SESN1: variants seen among roughly 807,000 people sequenced by gnomAD.
The protein encoded by SESN1 is sestrin-1.
In SESN1, 30 loss-of-function variants were observed where a neutral mutation model predicts 59.3. That is an observed-to-expected ratio of 0.51 (90% confidence interval 0.38 to 0.69). SESN1 has a LOEUF of 0.69. Ranked by LOEUF, SESN1 falls within the 30% of genes least tolerant of loss-of-function variation. SESN1 has a pLI of 0.00. For missense variants in SESN1, 566 were observed against 673.0 expected (o/e 0.84, Z 1.76); for synonymous variants, 197 against 219.9 (o/e 0.90, Z 0.92).
At chr6:109,003,118 C>T (rs961690845) in intron 1 of SESN1, among the ~76,000 whole-genome samples, 10 of 151,948 alleles carry the variant, frequency 6.6e-5, no homozygotes, top group African/African-American at 2.4e-4. Context: ...CTCCCTCACC[C>T]TCCCCATATA....
chr6:109,000,449 A>T (rs769698823), intron 4 of SESN1, 42 bp downstream of exon 4: 2 of 1,384,820 alleles, frequency 1.4e-6, no homozygotes, highest in Non-Finnish European at 1.9e-6. Context: ...TGCTCTAAAA[A>T]AGTCTGAAAT....
chr6:109,065,640 T>C (rs1310494515), intron 1 of SESN1, among the ~76,000 whole-genome samples: 2 of 151,912 alleles, frequency 1.3e-5, no homozygotes, highest in African/African-American at 4.8e-5. Flanking sequence ...AAGGACGAGG[T>C]TGCAGGCCAA....
At chr6:108,992,014 T>C (rs1256469644) in intron 7 of SESN1, among the ~76,000 whole-genome samples, 1 of 152,222 alleles carries the variant, frequency 6.6e-6, no homozygotes, top group Non-Finnish European at 1.5e-5. Context: ...CCATAAAAAA[T>C]TTCCAGCCCA....
At chr6:109,084,326 C>T (rs918972807) in intron 1 of SESN1, among the ~76,000 whole-genome samples, 7 of 152,090 alleles carry the variant, frequency 4.6e-5, no homozygotes, top group African/African-American at 1.4e-4. Context: ...TTTGGGAGGC[C>T]GAGGCAGGCG....
In SESN1 at chr6:108,984,797, A is replaced by T. The variant is rs1442741943; in HGVS notation, c.*2747T>A. Among the ~76,000 whole-genome samples the T allele has an allele frequency of 1.3e-5, 2 of 152,138 alleles. No homozygotes were observed. Among genetic ancestry groups the T allele is most frequent in the East Asian group, 3.8e-4 (2 of 5,196 alleles). On this transcript the variant is annotated 3_prime_UTR_variant, in exon 10 of 10. Coordinates refer to ENST00000436639, the MANE Select transcript of SESN1 (RefSeq NM_014454.3). ...TGAATTTATGCTTCCTCTTGATCAC[A>T]CCATCCTCTGCTGGGGAAGAGCTAG...
rs1329908940 is a variant in SESN1 at position 109,094,654 on chromosome 6, T to G, written c.-581A>C. ...GCAGCGGCCGGAGGCTTGGGCGCTG[T>G]CGGAGGGCGGCAGTCTCGGGCAGCC... On this transcript the variant is annotated 5_prime_UTR_variant, in exon 1 of 10. Coordinates refer to ENST00000436639, the MANE Select transcript of SESN1 (RefSeq NM_014454.3). 1 of 151,200 alleles carries G rather than the reference T, an allele frequency of 6.6e-6. No homozygotes were observed. Among genetic ancestry groups the G allele is most frequent in the East Asian group, 2.0e-4 (1 of 5,102 alleles). 9.4% of individuals were successfully genotyped at this position (151,200 alleles called of 1,614,324 possible).
At chr6:109,055,661 CA>C (rs577017689) in intron 1 of SESN1, among the ~76,000 whole-genome samples, 1,130 of 51,298 alleles carry the variant, frequency 0.022, 8 homozygotes, top group African/African-American at 0.054. Flanking sequence ...GACTCCACCT[CA>C]AAAAAAAAAA....
intron 1 of SESN1, among the ~76,000 whole-genome samples, chr6:109,078,655 T>A (rs1056160520): frequency 6.6e-5 from 10 of 152,216 alleles, no homozygotes; most frequent in African/African-American, 2.2e-4. Flanking sequence ...AATTTGTTCT[T>A]CGATTTTCAT....
At chr6:109,046,691 C>T (rs1464642067) in intron 1 of SESN1, among the ~76,000 whole-genome samples, 8 of 136,504 alleles carry the variant, frequency 5.9e-5, no homozygotes, top group East Asian at 4.5e-4. Context: ...CGTCTCTGCC[C>T]GGCCGCCCAT....
At chr6:109,082,222 G>T (rs1240731666) in intron 1 of SESN1, among the ~76,000 whole-genome samples, 1 of 152,132 alleles carries the variant, frequency 6.6e-6, no homozygotes, top group Non-Finnish European at 1.5e-5. Flanking sequence ...CTTTAAAGTA[G>T]CTTAAAACTT....
chr6:109,009,279 T>A, intron 1 of SESN1: 1 of 1,256,366 alleles, frequency 8.0e-7, no homozygotes, highest in Non-Finnish European at 1.0e-6. Flanking sequence ...CAACGTGACC[T>A]CCGTGTTGCA....
Position 108,987,225 on chromosome 6 carries a change from C to CTTATTTAACATAAAAG in SESN1, c.*303_*318dup. On this transcript the variant is annotated 3_prime_UTR_variant, in exon 10 of 10. Transcript: ENST00000436639. ...CTTTGCATGCTCCAATTCTTGTTAT[C>CTTATTTAACATAAAAG]TTATTTAACATAAAAGCAACAGGAT... 2 of 226,530 alleles carry CTTATTTAACATAAAAG rather than the reference C, an allele frequency of 8.8e-6. No individual in the cohort carries two copies. The highest frequency in any genetic ancestry group is 1.7e-5 in the Non-Finnish European group (2 of 117,056). 14.0% of individuals were successfully genotyped at this position (226,530 alleles called of 1,614,324 possible).
chr6:109,044,430 C>T lies in SESN1; in HGVS notation c.280-42087G>A, dbSNP rs529940871. Among the ~76,000 whole-genome samples the T allele has an allele frequency of 9.5e-5, 14 of 147,916 alleles. No homozygotes were observed. The East Asian group carries it at 1.6e-3, about 17-fold the overall frequency. On this transcript the variant is annotated intron_variant, in intron 1 of 9. Transcript: ENST00000436639. The stretch of plus-strand genomic sequence containing the variant: ...ATGATGAAATAATAGGACATCCATA[C>T]GCAAAGAAAAGAAAGAAAACAAAAT...
At chr6:109,089,385 T>C (rs972848410) in intron 1 of SESN1, among the ~76,000 whole-genome samples, 1 of 152,246 alleles carries the variant, frequency 6.6e-6, no homozygotes, top group Non-Finnish European at 1.5e-5. Flanking sequence ...TTAAATTCAA[T>C]TCTATTCTAA....
chr6:108,999,722 C>A (rs994574150), intron 4 of SESN1, among the ~76,000 whole-genome samples: 1 of 152,078 alleles, frequency 6.6e-6, no homozygotes, highest in African/African-American at 2.4e-5. Context: ...CAGTTTCTTA[C>A]AAAGGTAAAC....
At chr6:109,006,675 T>A (rs1464640338) in intron 1 of SESN1, among the ~76,000 whole-genome samples, 1 of 152,184 alleles carries the variant, frequency 6.6e-6, no homozygotes, top group Admixed American at 6.5e-5. Context: ...GATACCACTG[T>A]TATTATACAG....
chr6:108,993,448 A>G (rs1184242231), intron 6 of SESN1, among the ~76,000 whole-genome samples: 1 of 152,068 alleles, frequency 6.6e-6, no homozygotes, highest in African/African-American at 2.4e-5. Context: ...TTAGATGACA[A>G]CTCTACATCT....
chr6:109,000,234 G>A (rs1779586543), intron 4 of SESN1: 1 of 288,304 alleles, frequency 3.5e-6, no homozygotes, highest in South Asian at 1.5e-4. Context: ...GTGACATTAG[G>A]CATTTGTCAA....
chr6:108,994,313 A>T, intron 6 of SESN1, 149 bp downstream of exon 6: 1 of 554,246 alleles, frequency 1.8e-6, no homozygotes, highest in Non-Finnish European at 2.9e-6. Flanking sequence ...TGCTTGCTTT[A>T]AAAATTATTT....
Sources: gnomAD v4.1 joint callset for allele counts (sites outside exome capture counted in the v4.1 genomes callset) on GRCh38, gnomAD v4.1.1 for gene constraint, MANE v1.5 for transcripts, NCBI Gene and HGNC (gene_info 2026-07-23, HGNC 2026-07-21) for gene names.